The following MSI2 variants were observed in gnomAD, a reference collection of about 807,000 sequenced individuals.
The protein encoded by MSI2 is RNA-binding protein Musashi homolog 2.
In MSI2, 17 loss-of-function variants were observed where a neutral mutation model predicts 45.6. The ratio of observed to expected loss-of-function variants is 0.37; its 90% CI spans 0.26 to 0.56. MSI2 has a LOEUF of 0.56. Among genes scored for constraint, MSI2 ranks in the 20% least tolerant of loss-of-function variants. The pLI is 0.77. For synonymous variants in MSI2, 156 were observed against 158.2 expected (o/e 0.99, Z 0.11); for missense variants, 293 against 444.2 (o/e 0.66, Z 3.06).
chr17:57,600,465 T>C (rs923332160), intron 8 of MSI2, among the ~76,000 whole-genome samples: 2 of 152,228 alleles, frequency 1.3e-5, no homozygotes, highest in Non-Finnish European at 2.9e-5. Flanking sequence ...GTATAAATAA[T>C]TGTGGACTAA....
chr17:57,579,608 G>A (rs2088146809), intron 7 of MSI2, among the ~76,000 whole-genome samples: 1 of 152,228 alleles, frequency 6.6e-6, no homozygotes, highest in African/African-American at 2.4e-5. Context: ...AGATGTTGCT[G>A]TAAACGCAAG....
Position 57,627,353 on chromosome 17 carries a change from A to G in MSI2, c.727+50A>G. On this transcript the variant is annotated intron_variant, in intron 10 of 13. Transcript: ENST00000284073. The surrounding 1 kb of genome is among the most constrained non-coding windows in gnomAD (Gnocchi z 4.6). ...TTTGGAAGCACAAGAGGTGGGCTGC[A>G]TTTGCGGGGAGGTGAGAGGACCCCT... The G allele has an allele frequency of 1.3e-6, 2 of 1,543,998 alleles. No individual in the cohort carries two copies. Among genetic ancestry groups the G allele is most frequent in the East Asian group, 2.2e-5 (1 of 44,560 alleles).
At chr17:57,293,612 T>G (rs1363635492) in intron 5 of MSI2, among the ~76,000 whole-genome samples, 10 of 150,968 alleles carry the variant, frequency 6.6e-5, no homozygotes, top group Non-Finnish European at 1.2e-4. Context: ...TTTTTGTTTT[T>G]TTTTGTTTTT....
chr17:57,473,810 G>A (rs2085486184), intron 6 of MSI2, among the ~76,000 whole-genome samples: 1 of 152,180 alleles, frequency 6.6e-6, no homozygotes, highest in East Asian at 1.9e-4. Context: ...TCTGCAAGCA[G>A]CTCTTTGTAA....
chr17:57,517,777 C>G (rs551253925), intron 6 of MSI2, among the ~76,000 whole-genome samples: 2 of 152,284 alleles, frequency 1.3e-5, no homozygotes, highest in Admixed American at 6.5e-5. Context: ...TGACCTCTGG[C>G]TTATCCCCTT....
intron 5 of MSI2, among the ~76,000 whole-genome samples, chr17:57,352,234 C>A (rs953447501): frequency 6.6e-6 from 1 of 152,178 alleles, no homozygotes; most frequent in Non-Finnish European, 1.5e-5. Context: ...GTGGTCTACT[C>A]TGAGGTTCAC....
intron 6 of MSI2, among the ~76,000 whole-genome samples, chr17:57,455,480 AGCCCTT>A (rs1227491171): frequency 1.3e-5 from 2 of 152,216 alleles, no homozygotes; most frequent in South Asian, 4.1e-4. Context: ...GCCAGCTCTC[AGCCCTT>A]GTCCACCGCT....
chr17:57,588,676 C>T (rs1004886214), intron 7 of MSI2, among the ~76,000 whole-genome samples: 1 of 152,190 alleles, frequency 6.6e-6, no homozygotes, highest in Non-Finnish European at 1.5e-5. Flanking sequence ...GAGTGGATGA[C>T]CATATCTTTC....
rs531308352 is a variant in MSI2, at chr17:57,643,174, C to T, written c.728-8925C>T. Among the ~76,000 whole-genome samples the T allele has an allele frequency of 2.6e-5, 4 of 152,232 alleles. No individual in the cohort carries two copies. The East Asian group carries it at 7.7e-4, about 29-fold the overall frequency. Reference sequence around the variant, plus strand: ...CAGCCCAGGTTGAAAAGGTACCCTACTGGAAGAGGGGAGGCAGGAGGAATT... The same window carrying T: ...CAGCCCAGGTTGAAAAGGTACCCTATTGGAAGAGGGGAGGCAGGAGGAATT... On this transcript the variant is annotated intron_variant, in intron 10 of 13. Coordinates refer to ENST00000284073, the MANE Select transcript of MSI2 (RefSeq NM_138962.4).
chr17:57,618,981 AG>A (rs1361312996), intron 9 of MSI2, among the ~76,000 whole-genome samples: 1 of 152,258 alleles, frequency 6.6e-6, no homozygotes, highest in East Asian at 1.9e-4. Context: ...GAAGACCTTC[AG>A]GATCCAACTT....
intron 7 of MSI2, among the ~76,000 whole-genome samples, chr17:57,584,153 A>C (rs2111019): frequency 0.21 from 32,178 of 151,808 alleles, 3,469 homozygotes; most frequent in Middle Eastern, 0.29. Flanking sequence ...CCTCCCTGTC[A>C]CTATCCCAGG....
At chr17:57,453,035 T>G (rs2085047957) in intron 6 of MSI2, among the ~76,000 whole-genome samples, 1 of 150,376 alleles carries the variant, frequency 6.6e-6, no homozygotes, top group Non-Finnish European at 1.5e-5. Flanking sequence ...AGATGGAGTC[T>G]TGCTTTGTCA....
intron 5 of MSI2, among the ~76,000 whole-genome samples, chr17:57,270,510 G>T (rs965856234): frequency 3.3e-5 from 5 of 152,212 alleles, no homozygotes; most frequent in African/African-American, 1.2e-4. Context: ...TAGTCTAGCT[G>T]GAAAGCTTCA....
intron 4 of MSI2, among the ~76,000 whole-genome samples, chr17:57,260,715 C>G (rs1907230328): frequency 6.6e-6 from 1 of 152,144 alleles, no homozygotes; most frequent in Non-Finnish European, 1.5e-5. Context: ...AGTAATCTCT[C>G]ATTTCTCAGG....
rs1905236321 is a variant in MSI2, at chr17:57,596,228, C to T, written c.455-640C>T. Among the ~76,000 whole-genome samples, 1 of 152,256 alleles carries T rather than the reference C, an allele frequency of 6.6e-6. No individual in the cohort carries two copies. The highest frequency in any genetic ancestry group is 1.5e-5 in the Non-Finnish European group (1 of 68,046). ...GTGCAGCTTGTCTAGCAAAGCCGGT[C>T]TCCAGCAGAGTACATACAGTGGATA... On this transcript the variant is annotated intron_variant, in intron 7 of 13. Coordinates refer to ENST00000284073, the MANE Select transcript of MSI2 (RefSeq NM_138962.4). This position sits in a 1 kb window ranked among gnomAD's most constrained non-coding sequence, Gnocchi z 4.6.
chr17:57,375,819 G>A (rs1037190120), intron 5 of MSI2, among the ~76,000 whole-genome samples: 1 of 152,072 alleles, frequency 6.6e-6, no homozygotes, highest in African/African-American at 2.4e-5. Context: ...AGACTCCCCT[G>A]CCCCCATCCT....
At chr17:57,514,874 T>C (rs757213132) in intron 6 of MSI2, among the ~76,000 whole-genome samples, 12 of 152,036 alleles carry the variant, frequency 7.9e-5, no homozygotes, top group Non-Finnish European at 1.6e-4. Context: ...CAAGTTGACT[T>C]CCTTACCTCA....
At chr17:57,472,024 A>T (rs903891279) in intron 6 of MSI2, among the ~76,000 whole-genome samples, 15 of 152,144 alleles carry the variant, frequency 9.9e-5, no homozygotes, top group African/African-American at 3.6e-4. Flanking sequence ...GCTGAGATGC[A>T]GCTTCTCTCT....
intron 5 of MSI2, among the ~76,000 whole-genome samples, chr17:57,361,015 G>A (rs1162250083): frequency 6.6e-6 from 1 of 152,212 alleles, no homozygotes; most frequent in Admixed American, 6.5e-5. Flanking sequence ...CGGAATATGG[G>A]GAGGTCAGGA....
Sources: gnomAD v4.1 joint callset for allele counts (sites outside exome capture counted in the v4.1 genomes callset) on GRCh38, gnomAD v4.1.1 for gene constraint, Gnocchi (gnomAD v3.1) non-coding constraint, MANE v1.5 for transcripts, NCBI Gene and HGNC (gene_info 2026-07-23, HGNC 2026-07-21) for gene names.